LGR6: variants seen among roughly 807,000 people sequenced by gnomAD.
LGR6 encodes leucine rich repeat containing G protein-coupled receptor 6, also known as leucine-rich repeat-containing G protein-coupled receptor 6.
In LGR6, 45 loss-of-function variants were observed where a neutral mutation model predicts 69.4. That is an observed-to-expected ratio of 0.65 (90% CI 0.51 to 0.83). The LOEUF (loss-of-function observed/expected upper bound fraction) is 0.83. Among genes scored for constraint, LGR6 ranks in the 40% least tolerant of loss-of-function variants. LGR6 has a pLI of 0.00. For synonymous variants in LGR6, 538 were observed against 555.0 expected, an observed-to-expected ratio of 0.97 and a Z score of 0.43; for missense variants, 1,108 against 1,246.7, an observed-to-expected ratio of 0.89 and a Z score of 1.68.
intron 1 of LGR6, among the ~76,000 whole-genome samples, chr1:202,207,366 G>A (rs755852370): frequency 1.1e-4 from 17 of 152,164 alleles, no homozygotes; most frequent in Non-Finnish European, 5.9e-5. Flanking sequence ...AGGACTAGAG[G>A]GGAGACTGAG....
At chr1:202,235,881 A>G in intron 3 of LGR6, 41 bp from the exon 4 acceptor site, 1 of 1,588,476 alleles carries the variant, frequency 6.3e-7, no homozygotes, top group Middle Eastern at 1.7e-4. Context: ...CCAGCTCTGC[A>G]TACCATGTGC....
In LGR6 at chr1:202,301,139, A is replaced by G; in HGVS notation, c.858-25A>G. 4 of 1,610,208 alleles carry G rather than the reference A, an allele frequency of 2.5e-6. No individual in the cohort carries two copies. The South Asian group carries it at 3.3e-5, about 13-fold the overall frequency. On this transcript the variant is annotated intron_variant, in intron 8 of 17. Transcript: ENST00000367278. ...GCAGAAAGGCCTGAAAAACCCAATT[A>G]GGTGTTTGGACCTTCTTCTTCCAGA...
chr1:202,313,463 A>G (rs1653905383), intron 16 of LGR6, among the ~76,000 whole-genome samples: 1 of 152,054 alleles, frequency 6.6e-6, no homozygotes, highest in Non-Finnish European at 1.5e-5. Context: ...ATGGTTAAAC[A>G]TCTGGGCTCT....
intron 1 of LGR6, chr1:202,214,290 A>G: frequency 6.8e-7 from 1 of 1,470,888 alleles, no homozygotes; most frequent in Non-Finnish European, 9.0e-7. Flanking sequence ...GGTCCTCCGC[A>G]GCCCTGGGGA....
At chr1:202,263,990 G>A (rs1403578993) in intron 4 of LGR6, among the ~76,000 whole-genome samples, 1 of 152,174 alleles carries the variant, frequency 6.6e-6, no homozygotes, top group Non-Finnish European at 1.5e-5. Context: ...TTCCAACCGT[G>A]GGGATGATTG....
chr1:202,208,825 G>C (rs550287376), intron 1 of LGR6, among the ~76,000 whole-genome samples: 1 of 152,242 alleles, frequency 6.6e-6, no homozygotes, highest in African/African-American at 2.4e-5. Flanking sequence ...GCTGGGGGTG[G>C]GGCTTGGGGT....
At chr1:202,239,344 G>T (rs990542156) in intron 4 of LGR6, among the ~76,000 whole-genome samples, 23 of 144,244 alleles carry the variant, frequency 1.6e-4, no homozygotes, top group East Asian at 8.3e-4. Flanking sequence ...GTGTGTGTGT[G>T]GTGTGTGTGT....
At chr1:202,264,574 G>C (rs1281745487) in intron 4 of LGR6, among the ~76,000 whole-genome samples, 2 of 152,118 alleles carry the variant, frequency 1.3e-5, no homozygotes, top group African/African-American at 4.8e-5. Flanking sequence ...CAATTCAATG[G>C]CTGGAGGCTG....
At chr1:202,194,277 C>T in intron 1 of LGR6, 76 bp downstream of exon 1, 4 of 1,106,242 alleles carry the variant, frequency 3.6e-6, no homozygotes, top group Non-Finnish European at 5.0e-6. Flanking sequence ...CAGCAGGGCA[C>T]CTGCTTGCTT....
Position 202,242,893 on chromosome 1 carries a change from G to A in LGR6, c.428+6900G>A, listed in dbSNP as rs547693557. ...AGGCGAACAACAGGAACCAACACTT[G>A]GCTAGCACTTTCCATGTGCAAGTCA... On this transcript the variant is annotated intron_variant, in intron 4 of 17. Coordinates refer to ENST00000367278, the MANE Select transcript of LGR6 (RefSeq NM_001017403.2). Among the ~76,000 whole-genome samples, 3 of 152,280 alleles carry A rather than the reference G, an allele frequency of 2.0e-5. No homozygotes were observed. In the South Asian group the frequency reaches 6.2e-4, roughly 32 times the overall value.
chr1:202,308,538 C>T (rs774359924), intron 14 of LGR6, among the ~76,000 whole-genome samples: 8 of 152,182 alleles, frequency 5.3e-5, no homozygotes, highest in Non-Finnish European at 1.2e-4. Flanking sequence ...AAAGCAGTCC[C>T]TACAAGATGG....
chr1:202,301,871 T>C (rs1402838025), intron 9 of LGR6, among the ~76,000 whole-genome samples: 2 of 151,922 alleles, frequency 1.3e-5, no homozygotes, highest in Admixed American at 1.3e-4. Context: ...ACAAAAAAAG[T>C]AGCCGGGCGT....
At chr1:202,196,198 C>T (rs1571799117) in intron 1 of LGR6, among the ~76,000 whole-genome samples, 3 of 152,150 alleles carry the variant, frequency 2.0e-5, no homozygotes, top group South Asian at 2.1e-4. Flanking sequence ...TGGCAGAGGA[C>T]CGTGTCCCCT....
rs115343187 is a variant in LGR6 at position 202,248,070 on chromosome 1, C to T, written c.428+12077C>T. On this transcript the variant is annotated intron_variant, in intron 4 of 17. Transcript: ENST00000367278. ...GGAGCCCAGGTGTCTGCCAGCCACT[C>T]GCTGGAGGGTGAAAATCCACACAGC... 3.6e-3 allele frequency among the ~76,000 whole-genome samples: 541 copies of T among 152,308 alleles called. 3 individuals carry two copies. The highest frequency in any genetic ancestry group is 5.8e-3 in the Non-Finnish European group (396 of 68,028).
intron 4 of LGR6, among the ~76,000 whole-genome samples, chr1:202,243,476 G>A (rs1490882038): frequency 6.6e-6 from 1 of 152,182 alleles, no homozygotes; most frequent in Non-Finnish European, 1.5e-5. Context: ...CTTATGAAGA[G>A]CATTAAGACA....
intron 4 of LGR6, among the ~76,000 whole-genome samples, chr1:202,239,538 A>C (rs1049758762): frequency 6.6e-6 from 1 of 152,146 alleles, no homozygotes; most frequent in Non-Finnish European, 1.5e-5. Context: ...CAGGAAAGCA[A>C]GGTGATAGGG....
chr1:202,227,933 C>T lies in LGR6; in HGVS notation c.285-3C>T. 6.2e-6 allele frequency: 10 copies of T among 1,612,666 alleles called. No individual in the cohort carries two copies. The South Asian group carries it at 8.8e-5, about 14-fold the overall frequency. ...ATCGCTGACCCTTGTCTCTGATTTC[C>T]AGGCGTCTCTCTGGGAACCATCTCT... On this transcript the variant is annotated splice_polypyrimidine_tract_variant and splice_region_variant and intron_variant, in intron 2 of 17. Transcript: ENST00000367278.
rs774801247 is a variant in LGR6 at position 202,318,407 on chromosome 1, G to A, written c.2104G>A (p.Ala702Thr). 28 of 1,606,630 alleles carry A rather than the reference G, an allele frequency of 1.7e-5. No homozygotes were observed. Among genetic ancestry groups the A allele is most frequent in the African/African-American group, 5.3e-5 (4 of 75,018 alleles). The change falls in exon 18 of 18, where the codon GCG becomes ACG. Residue 702 changes from alanine to threonine, a missense_variant. Ala to Thr is a moderately conservative substitution (Grantham distance 58). Coordinates refer to ENST00000367278, the MANE Select transcript of LGR6 (RefSeq NM_001017403.2). ...CCTGGCACTGGCAGGGCTGGCCGCC[G>A]CGCTGCCCCTGGCCTCAGTGGGAGA... ...GCLALAGLAA[A>T]LPLASVGEYG... is the part of the protein sequence containing the mutation.
chr1:202,319,337 T>C lies in LGR6; in HGVS notation c.*130T>C, dbSNP rs1654450330. 1 of 977,912 alleles carries C rather than the reference T, an allele frequency of 1.0e-6. No individual in the cohort carries two copies. The highest frequency in any genetic ancestry group is 1.5e-6 in the Non-Finnish European group (1 of 684,522). 60.6% of individuals were successfully genotyped at this position (977,912 alleles called of 1,614,324 possible). On this transcript the variant is annotated 3_prime_UTR_variant, in exon 18 of 18. Transcript: ENST00000367278. The stretch of plus-strand genomic sequence containing the variant: ...ATCTATAGCAGGATGGCCCAGTCCC[T>C]GGCTCCACTGATCACCTCTCTCCTG...
Sources: allele counts gnomAD v4.1 joint callset (sites outside exome capture counted in the v4.1 genomes callset), GRCh38; gene constraint gnomAD v4.1.1; transcripts MANE v1.5; gene names NCBI Gene and HGNC (gene_info 2026-07-23, HGNC 2026-07-21).